SV2C: variants seen among roughly 807,000 people sequenced by gnomAD.
The protein encoded by SV2C is synaptic vesicle glycoprotein 2C.
A neutral mutation model predicts 79.7 loss-of-function variants in SV2C; 49 were observed. The observed-to-expected ratio is 0.61, with a 90% CI of 0.49 to 0.78. The LOEUF is 0.78. Ranked by LOEUF, SV2C falls within the 30% of genes least tolerant of loss-of-function variation. The pLI, the probability that SV2C is intolerant of heterozygous loss-of-function variation, is 0.00. For synonymous variants in SV2C, 334 were observed against 333.2 expected (o/e 1.00, Z -0.03); for missense variants, 833 against 912.9 (o/e 0.91, Z 1.13).
intron 6 of SV2C, 82 bp from the exon 7 acceptor site, chr5:76,291,139 C>T: frequency 1.0e-6 from 1 of 958,814 alleles, no homozygotes; most frequent in Admixed American, 2.8e-5. Context: ...TCAGTTTTTG[C>T]TCCTGTAAAA....
chr5:76,141,779 A>G (rs34632147), intron 2 of SV2C, among the ~76,000 whole-genome samples: 58,740 of 142,600 alleles, frequency 0.41, 13,936 homozygotes, highest in Middle Eastern at 0.54. Flanking sequence ...AGCCAAGATC[A>G]CGCCACTGCA....
intron 10 of SV2C, 63 bp from the exon 11 acceptor site, chr5:76,300,666 T>TGG (rs1747958688): frequency 5.2e-6 from 8 of 1,534,716 alleles, no homozygotes; most frequent in Non-Finnish European, 7.2e-6. Context: ...CTCCATAGGC[T>TGG]TTCTTATACT....
At chr5:76,184,088 T>C (rs1414001887) in intron 2 of SV2C, among the ~76,000 whole-genome samples, 2 of 152,228 alleles carry the variant, frequency 1.3e-5, no homozygotes, top group Admixed American at 1.3e-4. Flanking sequence ...CTGAACCCTA[T>C]GCCAAAACCT....
At chr5:75,999,287 T>TATATACAGTATAG in the SV2C span, among the ~76,000 whole-genome samples, 1 of 151,064 alleles carries the variant, frequency 6.6e-6, no homozygotes, top group East Asian at 2.0e-4. Context: ...TATGTACATA[T>TATATACAGTATAG]ATATACAGTA....
the SV2C span, among the ~76,000 whole-genome samples, chr5:76,073,085 C>G: frequency 6.6e-6 from 1 of 152,168 alleles, no homozygotes; most frequent in Non-Finnish European, 1.5e-5. Context: ...TTTGCAGAAG[C>G]TTTATAGTTT....
the SV2C span, among the ~76,000 whole-genome samples, chr5:75,940,048 AC>A: frequency 6.6e-6 from 1 of 152,100 alleles, no homozygotes; most frequent in Non-Finnish European, 1.5e-5. Flanking sequence ...GAGTGTCTCC[AC>A]CACAAGACTG....
At chr5:75,902,040 C>T in the SV2C span, among the ~76,000 whole-genome samples, 1 of 152,226 alleles carries the variant, frequency 6.6e-6, no homozygotes, top group South Asian at 2.1e-4. Context: ...CTTGCACTTC[C>T]TGAGTGAGGC....
At chr5:75,920,714 C>T in the SV2C span, 1 of 758,630 alleles carries the variant, frequency 1.3e-6, no homozygotes, top group South Asian at 1.4e-5. Context: ...CGGTGTGGAA[C>T]CACTCAATCT....
rs1749191721 is a variant in SV2C at position 76,331,690 on chromosome 5, C to G, written c.*6143C>G. 1 of 152,246 alleles carries G rather than the reference C, an allele frequency of 6.6e-6. No individual in the cohort carries two copies. Among genetic ancestry groups the G allele is most frequent in the Non-Finnish European group, 1.5e-5 (1 of 68,130 alleles). 9.4% of individuals were successfully genotyped at this position (152,246 alleles called of 1,614,324 possible). ...CCCTTTTGTTTTTTTTCTTTTCCTCCTCTGGTCGACAACCTCTTAATTCTA... is the reference window on the plus strand; with the variant it reads ...CCCTTTTGTTTTTTTTCTTTTCCTCGTCTGGTCGACAACCTCTTAATTCTA... On this transcript the variant is annotated 3_prime_UTR_variant, in exon 13 of 13. Transcript: ENST00000502798.
chr5:75,994,958 T>C, the SV2C span, among the ~76,000 whole-genome samples: 41 of 152,220 alleles, frequency 2.7e-4, no homozygotes, highest in South Asian at 8.3e-3. Context: ...ACCTGATAAC[T>C]AGGAGACTAG....
At chr5:76,293,522 T>C (rs1747630939) in intron 8 of SV2C, among the ~76,000 whole-genome samples, 1 of 152,238 alleles carries the variant, frequency 6.6e-6, no homozygotes, top group Admixed American at 6.5e-5. Context: ...TCATTGATGA[T>C]GGATGGACAT....
intron 4 of SV2C, among the ~76,000 whole-genome samples, chr5:76,238,550 T>C (rs1161412290): frequency 6.6e-6 from 1 of 152,192 alleles, no homozygotes; most frequent in East Asian, 1.9e-4. Context: ...TCTATTAATA[T>C]TTAAGAGCGA....
chr5:75,882,737 AC>A, the SV2C span, among the ~76,000 whole-genome samples: 1 of 152,086 alleles, frequency 6.6e-6, no homozygotes, highest in Non-Finnish European at 1.5e-5. Flanking sequence ...TACACCTTAT[AC>A]AAAAATTAAT....
chr5:76,185,113 G>A (rs1743871421), intron 2 of SV2C, among the ~76,000 whole-genome samples: 1 of 152,226 alleles, frequency 6.6e-6, no homozygotes, highest in South Asian at 2.1e-4. Context: ...TAGGTCAGTA[G>A]TTAAACCTTA....
At chr5:75,946,765 G>A in the SV2C span, among the ~76,000 whole-genome samples, 3 of 152,038 alleles carry the variant, frequency 2.0e-5, no homozygotes, top group African/African-American at 7.2e-5. Context: ...CCAGGGGGTA[G>A]GGTTTGACTA....
chr5:76,168,520 A>G (rs6888857), intron 2 of SV2C, among the ~76,000 whole-genome samples: 2,004 of 152,266 alleles, frequency 0.013, 46 homozygotes, highest in African/African-American at 0.046. Flanking sequence ...CCTTTTGGAG[A>G]TGATGTCGTG....
the SV2C span, among the ~76,000 whole-genome samples, chr5:76,068,273 G>A: frequency 6.6e-6 from 1 of 152,020 alleles, no homozygotes; most frequent in Non-Finnish European, 1.5e-5. Flanking sequence ...GAAATTTTAA[G>A]AATTAACATT....
intron 4 of SV2C, among the ~76,000 whole-genome samples, chr5:76,214,868 T>A (rs1401485453): frequency 6.6e-6 from 1 of 152,256 alleles, no homozygotes; most frequent in Non-Finnish European, 1.5e-5. Context: ...CTCTTGATTT[T>A]GTATGCTGTC....
At chr5:76,011,262 G>A in the SV2C span, among the ~76,000 whole-genome samples, 75 of 152,110 alleles carry the variant, frequency 4.9e-4, no homozygotes, top group African/African-American at 1.8e-3. Context: ...TGAAATAATA[G>A]CCACGATTTA....
Sources: gnomAD v4.1 joint callset for allele counts (sites outside exome capture counted in the v4.1 genomes callset) on GRCh38, gnomAD v4.1.1 for gene constraint, MANE v1.5 for transcripts, NCBI Gene and HGNC (gene_info 2026-07-23, HGNC 2026-07-21) for gene names.